TTLL7: variants seen among roughly 807,000 people sequenced by gnomAD.
TTLL7 encodes the protein tubulin polyglutamylase TTLL7.
A neutral mutation model predicts 120.2 loss-of-function variants in TTLL7; 53 were observed. The observed-to-expected ratio is 0.44, with a 90% CI of 0.35 to 0.55. The LOEUF is 0.55. TTLL7 is among the 20% of genes least tolerant of loss of function. The probability of loss-of-function intolerance (pLI) is 0.00; values close to 1 mark genes in which losing one functional copy is unlikely to be tolerated. For synonymous variants in TTLL7, 353 were observed against 351.7 expected, an observed-to-expected ratio of 1.00 and a Z score of -0.04; for missense variants, 803 against 1,054.7, an observed-to-expected ratio of 0.76 and a Z score of 3.31.
At chr1:83,982,706 C>A (rs1652078070) in intron 1 of TTLL7, among the ~76,000 whole-genome samples, 1 of 152,168 alleles carries the variant, frequency 6.6e-6, no homozygotes, top group African/African-American at 2.4e-5. Flanking sequence ...GAATCAGAAT[C>A]ATTTAAATGG....
chr1:83,937,756 A>G lies in TTLL7; in HGVS notation c.888+96T>C, dbSNP rs144978430. 2,028 of 1,442,964 alleles carry G rather than the reference A, an allele frequency of 1.4e-3. 31 individuals carry two copies. The African/African-American group carries it at 0.026, about 18-fold the overall frequency. 89.4% of individuals were successfully genotyped at this position (1,442,964 alleles called of 1,614,324 possible). A position where few individuals can be genotyped will look rare whatever the true frequency, so the allele number is the denominator to read the frequency against. ...TGGTCCTCTCAATTATAGGGAACCA[A>G]GTTCAATCAACTCTTAATGAACTTT... On this transcript the variant is annotated intron_variant, in intron 8 of 20. Transcript: ENST00000260505.
intron 15 of TTLL7, 44 bp from the exon 16 acceptor site, chr1:83,907,705 T>C: frequency 6.4e-7 from 1 of 1,560,752 alleles, no homozygotes; most frequent in South Asian, 1.1e-5. Context: ...GCAGTATTAA[T>C]ACAAGTTTTT....
At chr1:83,892,241 TATATATGTATATATGAATATATATACGA>T (rs1557560983) in intron 18 of TTLL7, among the ~76,000 whole-genome samples, 18 of 139,330 alleles carry the variant, frequency 1.3e-4, no homozygotes, top group African/African-American at 4.6e-4. Context: ...TATATATGAA[TATATATGTATATATGAATATATATACGA>T]ATATATATGA....
At chr1:83,886,668 C>T (rs1424842858) in intron 19 of TTLL7, among the ~76,000 whole-genome samples, 2 of 151,990 alleles carry the variant, frequency 1.3e-5, no homozygotes, top group African/African-American at 4.8e-5. Flanking sequence ...GGAATCCAGG[C>T]CAGATTCTCT....
At chr1:83,928,831 T>C (rs1659351709) in intron 10 of TTLL7, among the ~76,000 whole-genome samples, 1 of 152,036 alleles carries the variant, frequency 6.6e-6, no homozygotes, top group Admixed American at 6.6e-5. Flanking sequence ...TACATTGAAA[T>C]TTAACCTCAT....
rs965924618 is a variant in TTLL7, at chr1:83,938,796, C to T, written c.724-780G>A. 4.6e-5 allele frequency among the ~76,000 whole-genome samples: 7 copies of T among 152,180 alleles called. No homozygotes were observed. The East Asian group carries it at 5.8e-4, about 13-fold the overall frequency. Reference sequence around the variant, plus strand: ...AGCTAGCACAAGCATTCATAAAAATCTATCTTTAATTCCTACCCTCCTCAT... The same window carrying T: ...AGCTAGCACAAGCATTCATAAAAATTTATCTTTAATTCCTACCCTCCTCAT... On this transcript the variant is annotated intron_variant, in intron 7 of 20. Coordinates refer to ENST00000260505, the MANE Select transcript of TTLL7 (RefSeq NM_024686.6).
intron 17 of TTLL7, 140 bp from the exon 18 acceptor site, chr1:83,904,299 A>T: frequency 1.6e-6 from 1 of 632,858 alleles, no homozygotes; most frequent in Non-Finnish European, 2.7e-6. Context: ...GATTTCTAAT[A>T]CAAATTAAAG....
At chr1:83,915,427 C>T (rs546419995) in intron 14 of TTLL7, among the ~76,000 whole-genome samples, 1 of 152,272 alleles carries the variant, frequency 6.6e-6, no homozygotes, top group East Asian at 1.9e-4. Context: ...GCTGGGAAAA[C>T]TAGCTAGCCA....
intron 1 of TTLL7, among the ~76,000 whole-genome samples, chr1:83,969,350 C>A (rs1650762138): frequency 6.6e-6 from 1 of 151,846 alleles, no homozygotes; most frequent in Admixed American, 6.6e-5. Flanking sequence ...TTATTTACAA[C>A]TAATATCTCA....
chr1:83,893,555 C>T (rs975946413), intron 18 of TTLL7, among the ~76,000 whole-genome samples: 2 of 151,776 alleles, frequency 1.3e-5, no homozygotes, highest in Non-Finnish European at 2.9e-5. Flanking sequence ...AGACATTTCT[C>T]TCAACAGACA....
intron 19 of TTLL7, among the ~76,000 whole-genome samples, chr1:83,884,460 T>G (rs958141665): frequency 6.6e-6 from 1 of 151,920 alleles, no homozygotes; most frequent in African/African-American, 2.4e-5. Context: ...AGCTACTGTT[T>G]ATTTTTTCAG....
chr1:83,887,777 A>G (rs1346244523), intron 19 of TTLL7, among the ~76,000 whole-genome samples: 3 of 152,058 alleles, frequency 2.0e-5, no homozygotes, highest in African/African-American at 7.2e-5. Context: ...AGGCTCATAC[A>G]GTTACTATGG....
intron 19 of TTLL7, among the ~76,000 whole-genome samples, chr1:83,886,337 G>A (rs953305872): frequency 1.8e-4 from 28 of 152,018 alleles, no homozygotes; most frequent in African/African-American, 6.5e-4. Context: ...TTTACTGGAT[G>A]CATCAAACAG....
intron 1 of TTLL7, chr1:83,979,639 C>G (rs559192170): frequency 6.6e-6 from 1 of 152,248 alleles, no homozygotes; most frequent in East Asian, 1.9e-4. Flanking sequence ...TAAGGTTAAA[C>G]TATAAACTAA....
chr1:83,985,839 C>G (rs1652391677), intron 1 of TTLL7, among the ~76,000 whole-genome samples: 1 of 152,036 alleles, frequency 6.6e-6, no homozygotes, highest in African/African-American at 2.4e-5. Context: ...TAAAAAAACA[C>G]AAACTGCCCA....
At chr1:83,892,457 T>TGA (rs1309813324) in intron 18 of TTLL7, among the ~76,000 whole-genome samples, 3,649 of 54,954 alleles carry the variant, frequency 0.066, 578 homozygotes, top group Non-Finnish European at 0.085. Context: ...AATGAACATA[T>TGA]ATGAACATAT....
intron 1 of TTLL7, among the ~76,000 whole-genome samples, chr1:83,996,592 TAGGTCTGCACC>T (rs1267128961): frequency 2.6e-5 from 4 of 152,204 alleles, no homozygotes; most frequent in African/African-American, 9.7e-5. Context: ...GCTATAGCAG[TAGGTCTGCACC>T]ACCCTTTTCT....
intron 1 of TTLL7, among the ~76,000 whole-genome samples, chr1:83,984,865 C>G (rs1652301403): frequency 6.6e-6 from 1 of 152,122 alleles, no homozygotes; most frequent in South Asian, 2.1e-4. Context: ...ATATTCCAAA[C>G]CTCAGCATCA....
Position 83,892,393 on chromosome 1 carries a change from A to AAC in TTLL7, c.2209-1913_2209-1912insGT, listed in dbSNP as rs1553128933. Among the ~76,000 whole-genome samples the AAC allele has an allele frequency of 1.3e-3, 43 of 32,984 alleles. 4 individuals carry two copies. The highest frequency in any genetic ancestry group is 5.0e-3 in the African/African-American group (38 of 7,552). 21.6% of individuals were successfully genotyped at this position (32,984 alleles called of 152,430 possible). On this transcript the variant is annotated intron_variant, in intron 18 of 20. Coordinates refer to ENST00000260505, the MANE Select transcript of TTLL7 (RefSeq NM_024686.6). ...ACGAATATATATGAATATATATACG[A>AAC]ATATATATGAACATATATATGAACA...
Sources: gnomAD v4.1 joint callset for allele counts (sites outside exome capture counted in the v4.1 genomes callset) on GRCh38, gnomAD v4.1.1 for gene constraint, MANE v1.5 for transcripts, NCBI Gene and HGNC (gene_info 2026-07-23, HGNC 2026-07-21) for gene names.